Variants in FILIP1L observed in about 807,000 individuals in gnomAD.
The protein encoded by FILIP1L is filamin A interacting protein 1 like, also known as filamin A-interacting protein 1-like.
Under a neutral mutation model 96.6 loss-of-function variants are expected in FILIP1L, and 55 were observed. The ratio of observed to expected loss-of-function variants is 0.57; its 90% CI spans 0.46 to 0.71. The LOEUF (loss-of-function observed/expected upper bound fraction) is 0.71. Ranked by LOEUF, FILIP1L falls within the 30% of genes least tolerant of loss-of-function variation. The pLI, the probability that FILIP1L is intolerant of heterozygous loss-of-function variation, is 0.00. For missense variants in FILIP1L, 1,304 were observed against 1,321.2 expected, an observed-to-expected ratio of 0.99 and a Z score of 0.20; for synonymous variants, 467 against 473.9, an observed-to-expected ratio of 0.99 and a Z score of 0.19.
At chr3:100,093,452 A>G (rs1468565314) in intron 1 of FILIP1L, among the ~76,000 whole-genome samples, 1 of 152,116 alleles carries the variant, frequency 6.6e-6, no homozygotes, top group Non-Finnish European at 1.5e-5. Flanking sequence ...ATACTTTTTT[A>G]CAAAAAATAT....
chr3:99,894,685 T>C (rs1398384124), intron 4 of FILIP1L, among the ~76,000 whole-genome samples: 2 of 152,202 alleles, frequency 1.3e-5, no homozygotes, highest in Non-Finnish European at 2.9e-5. Flanking sequence ...AACGATATTA[T>C]TAATTATGGA....
At chr3:99,874,082 G>C (rs1705382228) in intron 4 of FILIP1L, among the ~76,000 whole-genome samples, 1 of 152,146 alleles carries the variant, frequency 6.6e-6, no homozygotes, top group Non-Finnish European at 1.5e-5. Flanking sequence ...TTATGTGATT[G>C]TTCTTTGAAC....
At chr3:100,012,283 G>T (rs912897622) in intron 1 of FILIP1L, among the ~76,000 whole-genome samples, 3 of 151,982 alleles carry the variant, frequency 2.0e-5, no homozygotes, top group Admixed American at 1.3e-4. Context: ...CAACCAATTA[G>T]AAGGCCTGCC....
At chr3:99,938,313 T>G (rs185814311) in intron 1 of FILIP1L, among the ~76,000 whole-genome samples, 26 of 152,348 alleles carry the variant, frequency 1.7e-4, no homozygotes, top group Non-Finnish European at 3.1e-4. Flanking sequence ...CCATCATTAG[T>G]TCTGTTTTTA....
intron 1 of FILIP1L, among the ~76,000 whole-genome samples, chr3:100,103,659 G>T (rs1172240559): frequency 3.9e-5 from 6 of 152,174 alleles, no homozygotes; most frequent in Admixed American, 3.9e-4. Flanking sequence ...TGCCAGCATT[G>T]CACTGTATTA....
At chr3:99,965,933 C>T (rs892603278) in intron 1 of FILIP1L, among the ~76,000 whole-genome samples, 1 of 152,160 alleles carries the variant, frequency 6.6e-6, no homozygotes, top group Non-Finnish European at 1.5e-5. Context: ...TCCTGTCCCG[C>T]CTGCCACCAG....
At chr3:99,844,889 T>A (rs1943293357) in intron 5 of FILIP1L, among the ~76,000 whole-genome samples, 1 of 152,166 alleles carries the variant, frequency 6.6e-6, no homozygotes, top group Non-Finnish European at 1.5e-5. Context: ...TGCCTTAGCT[T>A]TTCTTTGCCT....
intron 1 of FILIP1L, among the ~76,000 whole-genome samples, chr3:100,005,561 A>C (rs574331347): frequency 1.3e-5 from 2 of 152,358 alleles, no homozygotes; most frequent in Admixed American, 1.3e-4. Context: ...TAATAAACCA[A>C]ATTTTACAAG....
chr3:99,960,907 A>G (rs1335055110), intron 1 of FILIP1L, among the ~76,000 whole-genome samples: 1 of 152,254 alleles, frequency 6.6e-6, no homozygotes, highest in Non-Finnish European at 1.5e-5. Flanking sequence ...TTGGCAGACC[A>G]ACAAAGTGAA....
chr3:100,095,014 G>A (rs1023971081), intron 1 of FILIP1L, among the ~76,000 whole-genome samples: 3 of 152,100 alleles, frequency 2.0e-5, no homozygotes, highest in Admixed American at 2.0e-4. Flanking sequence ...TGGCTGAGTT[G>A]CTTTTGCACT....
At position 99,983,430 on chromosome 3, in the gene FILIP1L, ATGTATATATATGTATG is replaced by A. The variant is rs1559713508; in HGVS notation, c.-10-52416_-10-52401del. On this transcript the variant is annotated intron_variant, in intron 1 of 5. Coordinates refer to ENST00000477258, the MANE Select transcript of FILIP1L (RefSeq NM_001387850.1). ...TATATATATATATATGTATGTATGT[ATGTATATATATGTATG>A]TATATATATATATGTGTGTATATAT... Among the ~76,000 whole-genome samples the A allele has an allele frequency of 4.3e-5, 4 of 93,774 alleles. 1 individual carries two copies. The highest frequency in any genetic ancestry group is 1.9e-4 in the African/African-American group (4 of 21,404). 61.5% of individuals were successfully genotyped at this position (93,774 alleles called of 152,430 possible).
chr3:100,018,543 C>T (rs969864776), intron 1 of FILIP1L, among the ~76,000 whole-genome samples: 8 of 151,698 alleles, frequency 5.3e-5, no homozygotes, highest in African/African-American at 1.7e-4. Context: ...ACACCATCTA[C>T]GAAAATCAAC....
intron 1 of FILIP1L, among the ~76,000 whole-genome samples, chr3:99,965,896 G>A (rs1045649757): frequency 1.3e-5 from 2 of 152,108 alleles, no homozygotes; most frequent in African/African-American, 4.8e-5. Flanking sequence ...TGCCGCCACT[G>A]GACCATTTCT....
intron 1 of FILIP1L, among the ~76,000 whole-genome samples, chr3:100,053,790 C>T (rs1004269885): frequency 1.3e-5 from 2 of 152,200 alleles, no homozygotes; most frequent in Admixed American, 6.5e-5. Flanking sequence ...GAAACCCTAA[C>T]TAATCAATTC....
intron 4 of FILIP1L, among the ~76,000 whole-genome samples, chr3:99,893,162 CTTTTT>C (rs1200176411): frequency 9.3e-6 from 1 of 107,648 alleles, no homozygotes; most frequent in African/African-American, 3.4e-5. Context: ...GGCATCTAGA[CTTTTT>C]TTTTTTTTTT....
intron 1 of FILIP1L, among the ~76,000 whole-genome samples, chr3:100,099,400 A>C (rs1042610774): frequency 6.6e-6 from 1 of 152,168 alleles, no homozygotes; most frequent in Non-Finnish European, 1.5e-5. Flanking sequence ...AAATTTTCTG[A>C]TAAGATTTTA....
chr3:100,004,318 A>G (rs1709927460), intron 1 of FILIP1L, among the ~76,000 whole-genome samples: 1 of 152,212 alleles, frequency 6.6e-6, no homozygotes, highest in Admixed American at 6.5e-5. Flanking sequence ...AACATTGTGT[A>G]TAATGGTAGC....
intron 1 of FILIP1L, among the ~76,000 whole-genome samples, chr3:100,007,224 A>G (rs1276835043): frequency 6.6e-6 from 1 of 152,184 alleles, no homozygotes; most frequent in Non-Finnish European, 1.5e-5. Context: ...CTTCATGACC[A>G]TGAAAGTAAA....
intron 1 of FILIP1L, among the ~76,000 whole-genome samples, chr3:100,105,744 A>G (rs1176758766): frequency 3.3e-5 from 5 of 152,194 alleles, no homozygotes; most frequent in Non-Finnish European, 7.4e-5. Context: ...TCAGAAGATC[A>G]GTTTCCTTTT....
Sources: gnomAD v4.1 joint callset for allele counts (sites outside exome capture counted in the v4.1 genomes callset) on GRCh38, gnomAD v4.1.1 for gene constraint, MANE v1.5 for transcripts, NCBI Gene and HGNC (gene_info 2026-07-23, HGNC 2026-07-21) for gene names.